The following CEP128 variants were observed in gnomAD, a reference collection of about 807,000 sequenced individuals.
CEP128 encodes the protein centrosomal protein 128kDa.
A neutral mutation model predicts 156.7 loss-of-function variants in CEP128; 132 were observed. The ratio of observed to expected loss-of-function variants is 0.84; its 90% CI spans 0.73 to 0.97. The LOEUF is 0.97. Among genes scored for constraint, CEP128 ranks in the 50% least tolerant of loss-of-function variants. The probability of loss-of-function intolerance (pLI) is 0.00; values close to 1 mark genes in which losing one functional copy is unlikely to be tolerated. For missense variants in CEP128, 1,252 were observed against 1,281.9 expected, an observed-to-expected ratio of 0.98 and a Z score of 0.36; for synonymous variants, 469 against 448.9, an observed-to-expected ratio of 1.04 and a Z score of -0.57.
chr14:80,522,907 G>A (rs1888807698), intron 23 of CEP128, among the ~76,000 whole-genome samples: 1 of 152,220 alleles, frequency 6.6e-6, no homozygotes, highest in Admixed American at 6.5e-5. Context: ...ATCAGGCGTT[G>A]TCCAGTTAGC....
chr14:80,780,064 C>T (rs750880621), intron 15 of CEP128, among the ~76,000 whole-genome samples: 18 of 152,034 alleles, frequency 1.2e-4, no homozygotes, highest in Middle Eastern at 3.4e-3. Flanking sequence ...ATAGCAGATA[C>T]AGCATGTCAT....
intron 6 of CEP128, among the ~76,000 whole-genome samples, 194 bp downstream of exon 6, chr14:80,904,619 A>G (rs1883775173): frequency 2.0e-5 from 3 of 152,282 alleles, no homozygotes; most frequent in South Asian, 2.1e-4. Flanking sequence ...GTATACAACT[A>G]TGATTTTTCA....
At chr14:80,544,774 G>C (rs570974528) in intron 21 of CEP128, among the ~76,000 whole-genome samples, 1 of 152,084 alleles carries the variant, frequency 6.6e-6, no homozygotes, top group Admixed American at 6.6e-5. Context: ...AACAATTGAT[G>C]AATAATGATA....
At chr14:80,726,159 G>A (rs923019613) in intron 19 of CEP128, among the ~76,000 whole-genome samples, 6 of 152,196 alleles carry the variant, frequency 3.9e-5, no homozygotes, top group Non-Finnish European at 7.3e-5. Flanking sequence ...TGACAGCCAT[G>A]ATGTGTCTGA....
At chr14:80,756,176 GTATTCTAAATTCCCTA>G (rs577554774) in intron 18 of CEP128, among the ~76,000 whole-genome samples, 1 of 152,196 alleles carries the variant, frequency 6.6e-6, no homozygotes, top group Non-Finnish European at 1.5e-5. Context: ...AGCAAAACGT[GTATTCTAAATTCCCTA>G]TTCAGGTGGC....
At chr14:80,593,546 CAAAAAA>C (rs780221928) in intron 19 of CEP128, among the ~76,000 whole-genome samples, 4 of 77,836 alleles carry the variant, frequency 5.1e-5, no homozygotes, top group Non-Finnish European at 7.9e-5. Context: ...GACTCCATCT[CAAAAAA>C]AAAAAAAAAA....
At chr14:80,711,756 G>A (rs1897417601) in intron 19 of CEP128, among the ~76,000 whole-genome samples, 1 of 151,896 alleles carries the variant, frequency 6.6e-6, no homozygotes, top group African/African-American at 2.4e-5. Context: ...TGAAGAAATG[G>A]ATACCCCATT....
At chr14:80,720,351 G>A (rs1897769504) in intron 19 of CEP128, among the ~76,000 whole-genome samples, 2 of 152,122 alleles carry the variant, frequency 1.3e-5, no homozygotes, top group African/African-American at 4.8e-5. Context: ...CAGTAGTTGA[G>A]TGTCACAAAA....
intron 7 of CEP128, among the ~76,000 whole-genome samples, chr14:80,899,266 A>C (rs1350653654): frequency 6.6e-6 from 1 of 152,206 alleles, no homozygotes; most frequent in Non-Finnish European, 1.5e-5. Flanking sequence ...ATGGTAAACA[A>C]ATTTCAATTC....
chr14:80,647,059 A>ATGTGTG (rs1566831586), intron 19 of CEP128, among the ~76,000 whole-genome samples: 2 of 17,322 alleles, frequency 1.2e-4, no homozygotes, highest in Non-Finnish European at 2.4e-4. Flanking sequence ...ATATATATAT[A>ATGTGTG]TATATATATA....
rs369258114 is a variant in CEP128 at position 80,546,611 on chromosome 14, G to A, written c.2880+12668C>T. Among the ~76,000 whole-genome samples, 277 of 152,316 alleles carry A rather than the reference G, an allele frequency of 1.8e-3. 6 individuals carry two copies. In the South Asian group the frequency reaches 0.044, roughly 24 times the overall value. On this transcript the variant is annotated intron_variant, in intron 21 of 24. Transcript: ENST00000555265. The stretch of plus-strand genomic sequence containing the variant: ...TAGAATCCACATACTTTAAGTCAGC[G>A]AGTCTATCTATGTTTCAGTGGCTTT...
intron 21 of CEP128, among the ~76,000 whole-genome samples, chr14:80,533,273 T>C (rs558802026): frequency 4.3e-4 from 65 of 152,252 alleles, no homozygotes; most frequent in Non-Finnish European, 8.5e-4. Flanking sequence ...ATGCATTGCA[T>C]AAAATCCTCT....
At position 80,497,411 on chromosome 14, in the gene CEP128, T is replaced by A; in HGVS notation, c.*68A>T. On this transcript the variant is annotated 3_prime_UTR_variant, in exon 25 of 25. Coordinates refer to ENST00000555265, the MANE Select transcript of CEP128 (RefSeq NM_152446.5). ...GTCTGTTAGATAATCTGGGCCAAATTGCTGTAAGAATAGAGATGTTATTAT... is the reference window on the plus strand; with the variant it reads ...GTCTGTTAGATAATCTGGGCCAAATAGCTGTAAGAATAGAGATGTTATTAT... 9.2e-7 allele frequency: 1 copy of A among 1,082,528 alleles called. No homozygotes were observed. The highest frequency in any genetic ancestry group is 1.4e-6 in the Non-Finnish European group (1 of 726,024). 67.1% of individuals were successfully genotyped at this position (1,082,528 alleles called of 1,614,324 possible).
At chr14:80,956,433 A>T (rs1886691896) in intron 2 of CEP128, among the ~76,000 whole-genome samples, 1 of 152,178 alleles carries the variant, frequency 6.6e-6, no homozygotes, top group South Asian at 2.1e-4. Context: ...CTGCTTTGTG[A>T]TAGAGGTATA....
chr14:80,890,346 A>G (rs1040134111), intron 8 of CEP128, among the ~76,000 whole-genome samples: 2 of 152,192 alleles, frequency 1.3e-5, no homozygotes, highest in Non-Finnish European at 2.9e-5. Context: ...TTGCAGCACT[A>G]TTCACAATAG....
chr14:80,721,745 TATAA>T (rs893271577), intron 19 of CEP128, among the ~76,000 whole-genome samples: 11 of 152,210 alleles, frequency 7.2e-5, no homozygotes, highest in Admixed American at 6.5e-4. Flanking sequence ...CAAGTCAGGA[TATAA>T]ATAAATAAAC....
intron 9 of CEP128, among the ~76,000 whole-genome samples, chr14:80,841,563 C>G (rs1348687141): frequency 6.6e-6 from 1 of 151,954 alleles, no homozygotes; most frequent in Admixed American, 6.6e-5. Context: ...TCCAGGCATT[C>G]TTCTTCTTAC....
intron 23 of CEP128, among the ~76,000 whole-genome samples, chr14:80,516,869 T>C (rs905044324): frequency 6.6e-6 from 1 of 152,330 alleles, no homozygotes; most frequent in Non-Finnish European, 1.5e-5. Flanking sequence ...TCCTACCCTC[T>C]TCAGTGCCTT....
intron 21 of CEP128, among the ~76,000 whole-genome samples, chr14:80,531,984 C>G (rs1279139585): frequency 6.6e-6 from 1 of 152,126 alleles, no homozygotes; most frequent in Non-Finnish European, 1.5e-5. Context: ...AAGATGAGAG[C>G]TGCCCACCAT....
Sources: allele counts gnomAD v4.1 joint callset (sites outside exome capture counted in the v4.1 genomes callset), GRCh38; gene constraint gnomAD v4.1.1; transcripts MANE v1.5; gene names NCBI Gene and HGNC (gene_info 2026-07-23, HGNC 2026-07-21).